Variants in HEMK2 observed in about 807,000 individuals in gnomAD.
HEMK2 encodes HemK methyltransferase 2, ETF1 glutamine and histone H4 lysine, also known as methyltransferase HEMK2.
At chr21:28,588,791 G>C in the HEMK2 span, among the ~76,000 whole-genome samples, 3 of 152,086 alleles carry the variant, frequency 2.0e-5, no homozygotes, top group South Asian at 6.3e-4. Context: ...AGACCATCCT[G>C]GCTAACACGC....
the HEMK2 span, among the ~76,000 whole-genome samples, chr21:28,729,738 A>G: frequency 4.6e-5 from 7 of 152,204 alleles, no homozygotes; most frequent in Non-Finnish European, 7.3e-5. Context: ...TGTGGCCCAC[A>G]GGCTGTGGGT....
the HEMK2 span, among the ~76,000 whole-genome samples, chr21:28,843,820 T>C: frequency 6.6e-6 from 1 of 152,162 alleles, no homozygotes; most frequent in African/African-American, 2.4e-5. Context: ...TGCCAATTTC[T>C]CTGAAGGGCA....
chr21:28,691,693 G>A, the HEMK2 span, among the ~76,000 whole-genome samples: 1 of 129,332 alleles, frequency 7.7e-6, no homozygotes, highest in Non-Finnish European at 1.6e-5. Flanking sequence ...AACTCAAGTT[G>A]GCAAGAGATA....
At chr21:28,619,209 T>C in the HEMK2 span, among the ~76,000 whole-genome samples, 1 of 152,170 alleles carries the variant, frequency 6.6e-6, no homozygotes. Context: ...TTTGAACTCC[T>C]AGCATTCAGA....
At chr21:28,723,751 T>C in the HEMK2 span, among the ~76,000 whole-genome samples, 482 of 152,292 alleles carry the variant, frequency 3.2e-3, 1 homozygote, top group African/African-American at 0.011. Context: ...TTTAGCACAG[T>C]GTTTAGCCTG....
chr21:28,762,953 C>A, the HEMK2 span, among the ~76,000 whole-genome samples: 1 of 151,964 alleles, frequency 6.6e-6, no homozygotes, highest in Non-Finnish European at 1.5e-5. Context: ...AGAGAGCTAG[C>A]GAACCAATTT....
the HEMK2 span, among the ~76,000 whole-genome samples, chr21:28,737,493 G>A: frequency 2.6e-5 from 4 of 152,052 alleles, no homozygotes; most frequent in South Asian, 4.1e-4. Flanking sequence ...CAGAGAAAAC[G>A]AGAATTCAAA....
chr21:28,723,034 GTC>G, the HEMK2 span, among the ~76,000 whole-genome samples: 2 of 151,560 alleles, frequency 1.3e-5, no homozygotes, highest in African/African-American at 4.9e-5. Context: ...ATAGAGACAA[GTC>G]TCTCTCTCTG....
the HEMK2 span, among the ~76,000 whole-genome samples, chr21:28,741,246 A>G: frequency 2.2e-4 from 34 of 152,288 alleles, no homozygotes; most frequent in African/African-American, 7.9e-4. Context: ...TAACCCACTC[A>G]ACCCAACATT....
At chr21:28,866,148 G>GAA in the HEMK2 span, among the ~76,000 whole-genome samples, 19 of 17,484 alleles carry the variant, frequency 1.1e-3, 5 homozygotes, top group South Asian at 0.017. Context: ...TGTCTCTACA[G>GAA]AAAAAACAAA....
chr21:28,737,349 T>C, the HEMK2 span, among the ~76,000 whole-genome samples: 1 of 152,194 alleles, frequency 6.6e-6, no homozygotes, highest in Non-Finnish European at 1.5e-5. Flanking sequence ...GGTCTTGAAC[T>C]CCTGGCCTCA....
the HEMK2 span, among the ~76,000 whole-genome samples, chr21:28,806,214 T>G: frequency 2.6e-5 from 4 of 152,214 alleles, no homozygotes; most frequent in Non-Finnish European, 5.9e-5. Context: ...GCACCTACTT[T>G]CTAAGGGAAA....
the HEMK2 span, among the ~76,000 whole-genome samples, chr21:28,607,243 T>C: frequency 3.3e-5 from 5 of 152,016 alleles, no homozygotes; most frequent in Non-Finnish European, 5.9e-5. Context: ...CAACCCCGTC[T>C]CTACTAAAAT....
the HEMK2 span, among the ~76,000 whole-genome samples, chr21:28,860,974 AAAAGGGATCC>A: frequency 6.6e-6 from 1 of 152,206 alleles, no homozygotes; most frequent in Non-Finnish European, 1.5e-5. Flanking sequence ...TTAATGTAGA[AAAAGGGATCC>A]AAAGGCTTAG....
the HEMK2 span, among the ~76,000 whole-genome samples, chr21:28,778,159 A>T: frequency 6.6e-6 from 1 of 152,218 alleles, no homozygotes. Flanking sequence ...AGCAACTATT[A>T]GGCTATCCTC....
the HEMK2 span, among the ~76,000 whole-genome samples, chr21:28,760,210 T>C: frequency 6.6e-6 from 1 of 152,194 alleles, no homozygotes; most frequent in Non-Finnish European, 1.5e-5. Context: ...TGTAGATGGA[T>C]GAGATTTTTG....
At chr21:28,806,233 C>T in the HEMK2 span, among the ~76,000 whole-genome samples, 5 of 152,068 alleles carry the variant, frequency 3.3e-5, no homozygotes, top group Non-Finnish European at 7.4e-5. Context: ...AATGTTGTCA[C>T]GACAGATAAT....
At chr21:28,822,038 A>C in the HEMK2 span, among the ~76,000 whole-genome samples, 1 of 152,314 alleles carries the variant, frequency 6.6e-6, no homozygotes, top group Non-Finnish European at 1.5e-5. Flanking sequence ...ATATGGACAA[A>C]CAACTGCAAA....
chr21:28,870,550 T>C, the HEMK2 span, among the ~76,000 whole-genome samples: 2 of 152,116 alleles, frequency 1.3e-5, no homozygotes, highest in African/African-American at 2.4e-5. Flanking sequence ...TACAGGTGCA[T>C]ACCACCACAC....
Sources: allele counts gnomAD v4.1 joint callset (sites outside exome capture counted in the v4.1 genomes callset), GRCh38; gene constraint gnomAD v4.1.1; transcripts MANE v1.5; gene names NCBI Gene and HGNC (gene_info 2026-07-23, HGNC 2026-07-21).